The following COL5A2 variants were observed in gnomAD, a reference collection of about 807,000 sequenced individuals.
The protein encoded by COL5A2 is collagen type V alpha 2 chain.
In COL5A2, 23 loss-of-function variants were observed where a neutral mutation model predicts 208.2. That is an observed-to-expected ratio of 0.11 (90% CI 0.08 to 0.16). COL5A2 has a LOEUF of 0.16. Among genes scored for constraint, COL5A2 ranks in the 10% least tolerant of loss-of-function variants. COL5A2 has a pLI of 1.00. For missense variants in COL5A2, 1,590 were observed against 1,956.4 expected (o/e 0.81, Z 3.53); for synonymous variants, 625 against 628.5 (o/e 0.99, Z 0.08).
At chr2:189,179,427 C>T (rs911798155) in intron 1 of COL5A2, 81 bp downstream of exon 1, 14 of 1,500,056 alleles carry the variant, frequency 9.3e-6, no homozygotes, top group Middle Eastern at 1.7e-4. Flanking sequence ...CTCCTCTTCA[C>T]GCTCTTCCTG....
intron 1 of COL5A2, among the ~76,000 whole-genome samples, chr2:189,189,154 C>T (rs1299540164): frequency 1.3e-5 from 2 of 152,016 alleles, no homozygotes; most frequent in Non-Finnish European, 2.9e-5. Flanking sequence ...TTGCACTAGC[C>T]CTCAACATGC....
chr2:189,198,130 A>T (rs576225844), intron 1 of COL5A2, among the ~76,000 whole-genome samples: 1 of 152,238 alleles, frequency 6.6e-6, no homozygotes, highest in African/African-American at 2.4e-5. Context: ...ACATATTTAG[A>T]TCTAGGAGTA....
chr2:189,411,359 G>A, the COL5A2 span, among the ~76,000 whole-genome samples: 3 of 151,732 alleles, frequency 2.0e-5, no homozygotes, highest in Non-Finnish European at 4.4e-5. Context: ...TGCTTCAATC[G>A]TTTTTTTTAT....
At chr2:189,362,457 G>A in the COL5A2 span, among the ~76,000 whole-genome samples, 5,545 of 152,102 alleles carry the variant, frequency 0.036, 117 homozygotes, top group Admixed American at 0.05. Flanking sequence ...AACCACATTG[G>A]TAGGAAAATG....
At chr2:189,075,315 C>G (rs959417110) in intron 17 of COL5A2, 78 bp downstream of exon 17, 1 of 1,047,948 alleles carries the variant, frequency 9.5e-7, no homozygotes, top group Non-Finnish European at 1.5e-6. Context: ...GGTGAGTGCT[C>G]TGTAAATGTT....
At chr2:189,351,047 C>T in the COL5A2 span, among the ~76,000 whole-genome samples, 1 of 152,134 alleles carries the variant, frequency 6.6e-6, no homozygotes, top group Non-Finnish European at 1.5e-5. Flanking sequence ...GGATTTCTTG[C>T]TTCTCACTGC....
chr2:189,312,675 T>A, the COL5A2 span, among the ~76,000 whole-genome samples: 1 of 151,974 alleles, frequency 6.6e-6, no homozygotes, highest in Non-Finnish European at 1.5e-5. Flanking sequence ...CTCCCACAGG[T>A]GTGTTCAGGC....
chr2:189,411,736 G>T, the COL5A2 span, among the ~76,000 whole-genome samples: 1 of 152,058 alleles, frequency 6.6e-6, no homozygotes, highest in African/African-American at 2.4e-5. Flanking sequence ...GATCTTGTTT[G>T]ATTTTTTTTA....
chr2:189,242,647 C>T, the COL5A2 span, among the ~76,000 whole-genome samples: 7 of 152,124 alleles, frequency 4.6e-5, no homozygotes, highest in African/African-American at 1.7e-4. Context: ...TGAGAAAGAC[C>T]ATGATATACT....
intron 1 of COL5A2, among the ~76,000 whole-genome samples, chr2:189,164,550 A>G (rs1559132763): frequency 1.3e-5 from 2 of 152,056 alleles, no homozygotes; most frequent in African/African-American, 4.8e-5. Flanking sequence ...TTCTATGGAG[A>G]GTCTTATATT....
chr2:189,147,641 A>G (rs1688065290), intron 1 of COL5A2, among the ~76,000 whole-genome samples: 1 of 152,192 alleles, frequency 6.6e-6, no homozygotes, highest in South Asian at 2.1e-4. Context: ...AGAAACAAGT[A>G]AAGACCAAAA....
the COL5A2 span, among the ~76,000 whole-genome samples, chr2:189,413,878 G>A: frequency 5.6e-5 from 7 of 126,104 alleles, no homozygotes; most frequent in Non-Finnish European, 7.9e-5. Context: ...TGCAACCTCC[G>A]CATCCCGGGT....
intron 1 of COL5A2, among the ~76,000 whole-genome samples, chr2:189,172,008 TGATAA>T (rs1294054273): frequency 2.0e-5 from 3 of 152,086 alleles, no homozygotes; most frequent in African/African-American, 7.2e-5. Flanking sequence ...GAGAAAGGCC[TGATAA>T]GATAAGATGA....
chr2:189,103,605 G>A (rs186262456), intron 3 of COL5A2, among the ~76,000 whole-genome samples: 3 of 152,102 alleles, frequency 2.0e-5, no homozygotes, highest in South Asian at 2.1e-4. Context: ...TCTTCGCTTC[G>A]TAGGATTACC....
chr2:189,034,887 C>T (rs1685411959), intron 53 of COL5A2, 29 bp downstream of exon 53: 1 of 1,613,410 alleles, frequency 6.2e-7, no homozygotes. Context: ...TTTCCTCAAC[C>T]AGATCAATGT....
the COL5A2 span, among the ~76,000 whole-genome samples, chr2:189,258,749 C>T: frequency 3.3e-5 from 5 of 152,054 alleles, no homozygotes; most frequent in South Asian, 2.1e-4. Context: ...GGACAGGGAA[C>T]CTCAGCAGCC....
At chr2:189,044,261 A>G (rs1431000800) in intron 47 of COL5A2, among the ~76,000 whole-genome samples, 1 of 152,168 alleles carries the variant, frequency 6.6e-6, no homozygotes, top group Non-Finnish European at 1.5e-5. Context: ...CCTAATTATC[A>G]TACAGTATAG....
rs776801652 is a variant in COL5A2 at position 189,092,333 on chromosome 2, G to C, written c.544C>G (p.Pro182Ala). The C allele has an allele frequency of 6.2e-7, 1 of 1,608,666 alleles. No individual in the cohort carries two copies. The highest frequency in any genetic ancestry group is 1.1e-5 in the South Asian group (1 of 89,676). Reference sequence around the variant, plus strand: ...ACCCTGCTCAAGCCATCGGGTCCTGGGTGGGACGGATGTCCAGGAGGTCCT... The same window carrying C: ...ACCCTGCTCAAGCCATCGGGTCCTGCGTGGGACGGATGTCCAGGAGGTCCT... Reference protein sequence around the residue: ...APGPPGHPSHPGPDGLSRPFS... With the variant: ...APGPPGHPSHAGPDGLSRPFS... Residue 182 changes from proline to alanine, a missense_variant, in exon 7 of 54, where the codon CCA (proline) becomes GCA (alanine). Coordinates refer to ENST00000374866, the MANE Select transcript of COL5A2 (RefSeq NM_000393.5).
chr2:189,071,725 G>C (rs900838544), intron 18 of COL5A2, among the ~76,000 whole-genome samples: 1 of 152,144 alleles, frequency 6.6e-6, no homozygotes, highest in African/African-American at 2.4e-5. Context: ...ATAGAGAATA[G>C]AGTTCCTATT....
Sources: allele counts gnomAD v4.1 joint callset (sites outside exome capture counted in the v4.1 genomes callset), GRCh38; gene constraint gnomAD v4.1.1; transcripts MANE v1.5; gene names NCBI Gene and HGNC (gene_info 2026-07-23, HGNC 2026-07-21).